The following KCNIP4 variants were observed in gnomAD, a reference collection of about 807,000 sequenced individuals.
The protein encoded by KCNIP4 is Kv channel-interacting protein 4.
Under a neutral mutation model 34.0 loss-of-function variants are expected in KCNIP4, and 12 were observed. The ratio of observed to expected loss-of-function variants is 0.35; its 90% CI spans 0.23 to 0.57. KCNIP4 has a LOEUF of 0.57. Ranked by LOEUF, KCNIP4 falls within the 20% of genes least tolerant of loss-of-function variation. The pLI, the probability that KCNIP4 is intolerant of heterozygous loss-of-function variation, is 0.83. For synonymous variants in KCNIP4, 124 were observed against 102.2 expected (o/e 1.21, Z -1.29); for missense variants, 238 against 311.7 (o/e 0.76, Z 1.78).
chr4:21,847,338 C>G (rs1399949981), intron 1 of KCNIP4: 3 of 152,052 alleles, frequency 2.0e-5, no homozygotes, highest in African/African-American at 7.2e-5. Flanking sequence ...TAAATGCCCC[C>G]AAGCATACGT....
intron 3 of KCNIP4, among the ~76,000 whole-genome samples, chr4:20,846,682 C>A (rs1235653148): frequency 1.3e-5 from 2 of 152,186 alleles, no homozygotes; most frequent in Non-Finnish European, 2.9e-5. Context: ...ACACAACACA[C>A]ACACACCAAA....
At chr4:21,528,671 AAAACAAAGAAAGAAAGAAAGAAAG>A (rs1736196125) in intron 1 of KCNIP4, among the ~76,000 whole-genome samples, 4 of 115,624 alleles carry the variant, frequency 3.5e-5, no homozygotes, top group South Asian at 2.8e-4. Context: ...TGTCTCATAA[AAAACAAAGAAAGAAAGAAAGAAAG>A]AAAGAAAGAA....
chr4:21,234,427 TAC>T lies in KCNIP4; in HGVS notation c.62-351720_62-351719del, dbSNP rs1560199419. ...ATTATATAACATATACTATATATAT[TAC>T]ATATAACGTATATAATATATATTAC... is the stretch of plus-strand genomic sequence containing the variant. On this transcript the variant is annotated intron_variant, in intron 1 of 8. Transcript: ENST00000382152. Among the ~76,000 whole-genome samples, 15 of 128,786 alleles carry T rather than the reference TAC, an allele frequency of 1.2e-4. 4 individuals carry two copies. The highest frequency in any genetic ancestry group is 3.8e-4 in the African/African-American group (12 of 31,854). 84.5% of individuals were successfully genotyped at this position (128,786 alleles called of 152,430 possible).
At chr4:20,916,319 T>A (rs1002565722) in intron 1 of KCNIP4, 1 of 982,078 alleles carries the variant, frequency 1.0e-6, no homozygotes, top group Non-Finnish European at 1.2e-6. Context: ...TTAGAAGTGT[T>A]TACCTCTTTG....
intron 1 of KCNIP4, among the ~76,000 whole-genome samples, chr4:21,206,657 G>C (rs1244686133): frequency 3.3e-5 from 5 of 152,172 alleles, no homozygotes; most frequent in Non-Finnish European, 5.9e-5. Flanking sequence ...CTGAACCCCA[G>C]TTGCTTTATT....
chr4:20,729,627 A>ATGTCACTAT lies in KCNIP4; in HGVS notation c.*454_*455insATAGTGACA. The ATGTCACTAT allele has an allele frequency of 6.9e-6, 1 of 144,660 alleles. No individual in the cohort carries two copies. Among genetic ancestry groups the ATGTCACTAT allele is most frequent in the Admixed American group, 7.0e-5 (1 of 14,358 alleles). 9.0% of individuals were successfully genotyped at this position (144,660 alleles called of 1,614,324 possible). A position where few individuals can be genotyped will look rare whatever the true frequency, so the allele number is the denominator to read the frequency against. On this transcript the variant is annotated 3_prime_UTR_variant, in exon 9 of 9. Transcript: ENST00000382152. Reference sequence around the variant, plus strand: ...AAGTATATAAATGGAATTTAAATGGAATTACAGCATTCAAACATGAAAATT... The same window carrying ATGTCACTAT: ...AAGTATATAAATGGAATTTAAATGGATGTCACTATATTACAGCATTCAAACATGAAAATT...
intron 1 of KCNIP4, among the ~76,000 whole-genome samples, chr4:21,365,526 A>G (rs1346134664): frequency 0.16 from 3,274 of 20,258 alleles, 71 homozygotes; most frequent in Non-Finnish European, 0.22. Flanking sequence ...AATAAATAAA[A>G]AATAAAGAAA....
intron 1 of KCNIP4, among the ~76,000 whole-genome samples, chr4:21,447,065 C>T (rs564661668): frequency 1.3e-5 from 2 of 152,096 alleles, no homozygotes; most frequent in South Asian, 4.2e-4. Context: ...TCGGCCTGCC[C>T]TACAAGTTTT....
At chr4:21,098,007 C>A (rs1419315000) in intron 1 of KCNIP4, among the ~76,000 whole-genome samples, 1 of 152,118 alleles carries the variant, frequency 6.6e-6, no homozygotes, top group East Asian at 1.9e-4. Flanking sequence ...TGATAAGAAA[C>A]TGAAACAATC....
At chr4:21,549,604 C>A (rs1738402228) in intron 1 of KCNIP4, among the ~76,000 whole-genome samples, 1 of 152,114 alleles carries the variant, frequency 6.6e-6, no homozygotes, top group Non-Finnish European at 1.5e-5. Context: ...TGTGACCCAA[C>A]TAAACATTTT....
At chr4:21,658,076 G>T (rs1748117849) in intron 1 of KCNIP4, among the ~76,000 whole-genome samples, 1 of 152,056 alleles carries the variant, frequency 6.6e-6, no homozygotes, top group South Asian at 2.1e-4. Context: ...CTGACCTTGT[G>T]ATCCTCCCGC....
At chr4:21,773,592 G>C (rs1213566037) in intron 1 of KCNIP4, among the ~76,000 whole-genome samples, 1 of 151,926 alleles carries the variant, frequency 6.6e-6, no homozygotes, top group Non-Finnish European at 1.5e-5. Context: ...TATGAATCTG[G>C]GTGTTCCTGT....
intron 1 of KCNIP4, among the ~76,000 whole-genome samples, chr4:21,313,215 T>C (rs1257728708): frequency 7.4e-6 from 1 of 136,028 alleles, no homozygotes; most frequent in Non-Finnish European, 1.7e-5. Flanking sequence ...TTTCAACAGA[T>C]TTTTAGCCCT....
intron 1 of KCNIP4, among the ~76,000 whole-genome samples, chr4:21,399,825 G>A (rs1356300358): frequency 7.2e-5 from 11 of 152,194 alleles, no homozygotes; most frequent in Non-Finnish European, 8.8e-5. Context: ...AGGAAAATCT[G>A]ACAATTCTAA....
At chr4:21,668,232 AG>A (rs981133149) in intron 1 of KCNIP4, among the ~76,000 whole-genome samples, 3 of 152,080 alleles carry the variant, frequency 2.0e-5, no homozygotes, top group Non-Finnish European at 4.4e-5. Flanking sequence ...CCTATTGGGC[AG>A]TTGGGGGTGA....
At position 21,544,105 on chromosome 4, in the gene KCNIP4, G is replaced by A. The variant is rs568822429; in HGVS notation, c.61+404466C>T. On this transcript the variant is annotated intron_variant, in intron 1 of 8. Transcript: ENST00000382152. ...CATTTCTCTGGAGTTCATATTTTCC[G>A]GATGGTCTTTCCCAGCTTTTTGCAT... Among the ~76,000 whole-genome samples the A allele has an allele frequency of 7.2e-5, 11 of 152,052 alleles. No homozygotes were observed. In the South Asian group the frequency reaches 2.1e-3, roughly 29 times the overall value.
chr4:21,120,710 C>T (rs1193913194), intron 1 of KCNIP4, among the ~76,000 whole-genome samples: 2 of 152,156 alleles, frequency 1.3e-5, no homozygotes, highest in Non-Finnish European at 2.9e-5. Flanking sequence ...CCAATCGCTT[C>T]CCACCAGTTC....
At chr4:20,780,390 C>T (rs1466062300) in intron 3 of KCNIP4, among the ~76,000 whole-genome samples, 1 of 152,056 alleles carries the variant, frequency 6.6e-6, no homozygotes, top group Non-Finnish European at 1.5e-5. Flanking sequence ...GGCTGGTAGG[C>T]AGGTCAACTC....
intron 1 of KCNIP4, among the ~76,000 whole-genome samples, chr4:20,963,326 C>CA (rs1734032674): frequency 1.9e-5 from 1 of 51,936 alleles, no homozygotes; most frequent in Non-Finnish European, 3.4e-5. Context: ...GACTCCGTCT[C>CA]AAAAAACAAA....
Sources: allele counts gnomAD v4.1 joint callset (sites outside exome capture counted in the v4.1 genomes callset), GRCh38; gene constraint gnomAD v4.1.1; transcripts MANE v1.5; gene names NCBI Gene and HGNC (gene_info 2026-07-23, HGNC 2026-07-21).